Variants in MAST4 observed in about 807,000 individuals in gnomAD.
The protein encoded by MAST4 is microtubule-associated serine/threonine-protein kinase 4.
A neutral mutation model predicts 162.7 loss-of-function variants in MAST4; 89 were observed. The observed-to-expected ratio is 0.55, with a 90% CI of 0.46 to 0.65. The LOEUF (loss-of-function observed/expected upper bound fraction) is 0.65, where lower values mean the gene tolerates loss of function less well. Among genes scored for constraint, MAST4 ranks in the 30% least tolerant of loss-of-function variants. The probability of loss-of-function intolerance (pLI) is 0.00; values close to 1 mark genes in which losing one functional copy is unlikely to be tolerated. For missense variants in MAST4, 3,153 were observed against 3,374.0 expected (o/e 0.93, Z 1.62); for synonymous variants, 1,479 against 1,361.1 (o/e 1.09, Z -1.91).
At chr5:67,021,051 A>G (rs553117910) in intron 4 of MAST4, among the ~76,000 whole-genome samples, 1 of 152,360 alleles carries the variant, frequency 6.6e-6, no homozygotes, top group African/African-American at 2.4e-5. Context: ...TAGAGACTCA[A>G]TAAATTGTAA....
In MAST4 at chr5:67,130,227, G is replaced by T. The variant is rs916049548; in HGVS notation, c.1763G>T (p.Arg588Leu). ...CTTTTCAGGGCAGTCTACTTTGTTC[G>T]GCATAAAGAATCCCGGCAGAGGTTT... is the stretch of plus-strand genomic sequence containing the variant. ...NGAYGAVYFV[R>L]HKESRQRFAM... Residue 588 changes from arginine to leucine, a missense_variant, in exon 15 of 29, where the codon CGG becomes CTG. Coordinates refer to ENST00000403625, the MANE Select transcript of MAST4 (RefSeq NM_001164664.2). 1 of 1,612,572 alleles carries T rather than the reference G, an allele frequency of 6.2e-7. No individual in the cohort carries two copies. The highest frequency in any genetic ancestry group is 8.5e-7 in the Non-Finnish European group (1 of 1,179,176).
chr5:67,030,719 C>G (rs1007956659), intron 4 of MAST4, among the ~76,000 whole-genome samples: 1 of 152,108 alleles, frequency 6.6e-6, no homozygotes, highest in Non-Finnish European at 1.5e-5. Context: ...AACACCTAAC[C>G]TCTTCTAAGT....
chr5:66,807,444 T>G (rs147063555), intron 3 of MAST4, among the ~76,000 whole-genome samples: 3 of 149,112 alleles, frequency 2.0e-5, no homozygotes, highest in African/African-American at 7.4e-5. Context: ...TGCAGTGAGC[T>G]GAGATTGCGC....
chr5:67,082,732 A>G (rs1762817636), intron 5 of MAST4, among the ~76,000 whole-genome samples: 1 of 152,194 alleles, frequency 6.6e-6, no homozygotes, highest in African/African-American at 2.4e-5. Flanking sequence ...CATATATACA[A>G]AAATTTAGAG....
intron 1 of MAST4, among the ~76,000 whole-genome samples, chr5:66,694,862 T>C (rs1749297669): frequency 6.6e-6 from 1 of 152,198 alleles, no homozygotes; most frequent in Non-Finnish European, 1.5e-5. Context: ...CCTTTGCCCA[T>C]GTTTAATGCC....
intron 14 of MAST4, among the ~76,000 whole-genome samples, chr5:67,129,173 G>C (rs1476932733): frequency 1.3e-5 from 2 of 152,176 alleles, no homozygotes; most frequent in African/African-American, 4.8e-5. Context: ...CAGAAATACA[G>C]CTCCATCGTT....
chr5:66,898,819 A>G (rs1382966718), intron 3 of MAST4, among the ~76,000 whole-genome samples: 2 of 152,216 alleles, frequency 1.3e-5, no homozygotes, highest in East Asian at 3.8e-4. Flanking sequence ...AGCAGCAGCC[A>G]CAGAGCTCTC....
chr5:66,944,267 C>G (rs375419424), intron 4 of MAST4, among the ~76,000 whole-genome samples: 3 of 152,086 alleles, frequency 2.0e-5, no homozygotes, highest in Non-Finnish European at 2.9e-5. Context: ...GATAAACAAA[C>G]GGGTTTGTAA....
At chr5:66,894,998 G>A (rs112689517) in intron 3 of MAST4, among the ~76,000 whole-genome samples, 1,723 of 152,230 alleles carry the variant, frequency 0.011, 29 homozygotes, top group African/African-American at 0.039. Flanking sequence ...GATTCTTCCT[G>A]GAGGCTGAGC....
At chr5:67,144,030 A>G (rs1469962649) in intron 21 of MAST4, among the ~76,000 whole-genome samples, 1 of 151,816 alleles carries the variant, frequency 6.6e-6, no homozygotes, top group Non-Finnish European at 1.5e-5. Context: ...AGAGATTCAC[A>G]GATAGCTGAG....
At chr5:66,919,063 A>G (rs1233719590) in intron 4 of MAST4, among the ~76,000 whole-genome samples, 1 of 148,734 alleles carries the variant, frequency 6.7e-6, no homozygotes, top group East Asian at 2.0e-4. Flanking sequence ...AGATCACACC[A>G]CTGCACTCCA....
intron 4 of MAST4, among the ~76,000 whole-genome samples, chr5:66,998,675 C>T (rs760811617): frequency 6.6e-6 from 1 of 152,310 alleles, no homozygotes; most frequent in East Asian, 1.9e-4. Flanking sequence ...CCCCTTCACC[C>T]CCAATCCTTT....
intron 19 of MAST4, among the ~76,000 whole-genome samples, chr5:67,137,380 T>G (rs1769798403): frequency 6.6e-6 from 1 of 152,180 alleles, no homozygotes; most frequent in African/African-American, 2.4e-5. Flanking sequence ...GTATGTGAAT[T>G]TATGTAGATG....
chr5:67,152,248 C>G (rs1446340202), intron 24 of MAST4, among the ~76,000 whole-genome samples: 1 of 152,190 alleles, frequency 6.6e-6, no homozygotes, highest in African/African-American at 2.4e-5. Context: ...TGAAGACATA[C>G]TTGAAATATA....
chr5:66,703,562 C>T (rs903173102), intron 1 of MAST4, among the ~76,000 whole-genome samples: 61 of 152,238 alleles, frequency 4.0e-4, no homozygotes, highest in African/African-American at 1.2e-3. Context: ...ATGGATGCAG[C>T]AGTGGAGTGT....
chr5:66,608,820 G>A (rs1458520134), intron 1 of MAST4, among the ~76,000 whole-genome samples: 1 of 147,642 alleles, frequency 6.8e-6, no homozygotes, highest in Non-Finnish European at 1.5e-5. Context: ...GGGGCGGGGG[G>A]GAGAACGCGA....
intron 3 of MAST4, among the ~76,000 whole-genome samples, chr5:66,809,479 T>C (rs1756369885): frequency 6.6e-6 from 1 of 152,202 alleles, no homozygotes; most frequent in Non-Finnish European, 1.5e-5. Flanking sequence ...TGTTCCTTCC[T>C]TCATCGCTGC....
chr5:67,048,676 C>T (rs1757677547), intron 4 of MAST4, among the ~76,000 whole-genome samples: 1 of 151,810 alleles, frequency 6.6e-6, no homozygotes, highest in East Asian at 1.9e-4. Flanking sequence ...GTATCTTCAC[C>T]AGATAAAATT....
chr5:67,160,351 A>G lies in MAST4; in HGVS notation c.3649-105A>G, dbSNP rs982180710. 70 of 1,183,228 alleles carry G rather than the reference A, an allele frequency of 5.9e-5. 1 individual carries two copies. The highest frequency in any genetic ancestry group is 7.9e-5 in the Non-Finnish European group (69 of 875,640). The allele number at this position is 1,183,228 out of a possible 1,614,324, so 73.3% of individuals were successfully genotyped here. ...TATTTAGAAACAGAAGGCCTTTTAT[A>G]TGTATGTTCCTTTCTATTTGTATTT... On this transcript the variant is annotated intron_variant, in intron 26 of 28. Coordinates refer to ENST00000403625, the MANE Select transcript of MAST4 (RefSeq NM_001164664.2).
Sources: allele counts gnomAD v4.1 joint callset (sites outside exome capture counted in the v4.1 genomes callset), GRCh38; gene constraint gnomAD v4.1.1; transcripts MANE v1.5; gene names NCBI Gene and HGNC (gene_info 2026-07-23, HGNC 2026-07-21).